Variants in TRPC4 observed in about 807,000 individuals in gnomAD.
TRPC4 encodes the protein transient receptor potential cation channel subfamily C member 4, also known as short transient receptor potential channel 4.
TRPC4 carries 49 observed loss-of-function variants against 99.4 expected under a neutral mutation model. The ratio of observed to expected loss-of-function variants is 0.49; its 90% confidence interval spans 0.39 to 0.63. TRPC4 has a LOEUF of 0.63. TRPC4 is among the 20% of genes least tolerant of loss of function. The pLI is 0.00. For missense variants in TRPC4, 898 were observed against 1,152.9 expected (o/e 0.78, Z 3.20); for synonymous variants, 454 against 425.9 (o/e 1.07, Z -0.81).
intron 1 of TRPC4, among the ~76,000 whole-genome samples, chr13:37,796,929 AAAAAT>A (rs1193921345): frequency 1.2e-4 from 5 of 41,200 alleles, no homozygotes; most frequent in South Asian, 1.0e-3. Context: ...TCCTCTCTAC[AAAAAT>A]AAAATAAAAT....
chr13:37,762,041 C>T lies in TRPC4; in HGVS notation c.379-15586G>A, dbSNP rs118165113. ...AAATATATTACAACTCTTAAGGAGA[C>T]ATCAAACAAATAGCAACTTTAAATC... On this transcript the variant is annotated intron_variant, in intron 2 of 10. Coordinates refer to ENST00000379705, the MANE Select transcript of TRPC4 (RefSeq NM_016179.4). Among the ~76,000 whole-genome samples the T allele has an allele frequency of 3.6e-3, 553 of 151,896 alleles. 2 individuals are homozygous for T. Among genetic ancestry groups the T allele is most frequent in the Admixed American group, 5.5e-3 (84 of 15,188 alleles).
chr13:37,810,724 T>C (rs1957658855), intron 1 of TRPC4, among the ~76,000 whole-genome samples: 1 of 152,100 alleles, frequency 6.6e-6, no homozygotes, highest in Non-Finnish European at 1.5e-5. Context: ...TGGGATGCTC[T>C]TTGGTAATAT....
chr13:37,711,421 T>C (rs1954481103), intron 3 of TRPC4, among the ~76,000 whole-genome samples: 1 of 151,982 alleles, frequency 6.6e-6, no homozygotes, highest in Non-Finnish European at 1.5e-5. Context: ...GTATTCAATG[T>C]GAAGTAATTT....
chr13:37,859,173 A>ACTGATTTATTTAT (rs1959201976), intron 1 of TRPC4, among the ~76,000 whole-genome samples: 1 of 151,622 alleles, frequency 6.6e-6, no homozygotes, highest in Non-Finnish European at 1.5e-5. Flanking sequence ...AGAGCTGTAA[A>ACTGATTTATTTAT]TAAAATATAC....
intron 3 of TRPC4, among the ~76,000 whole-genome samples, chr13:37,698,291 A>G (rs1953989919): frequency 6.7e-6 from 1 of 149,708 alleles, no homozygotes; most frequent in African/African-American, 2.5e-5. Flanking sequence ...CTCCCGAGGT[A>G]GCTGGGACTA....
At chr13:37,739,259 C>A (rs1955505209) in intron 3 of TRPC4, among the ~76,000 whole-genome samples, 1 of 152,080 alleles carries the variant, frequency 6.6e-6, no homozygotes, top group East Asian at 1.9e-4. Flanking sequence ...GCAGTTTAAA[C>A]ATAGAAGAAG....
At chr13:37,809,180 G>A (rs759059808) in intron 1 of TRPC4, among the ~76,000 whole-genome samples, 1 of 152,016 alleles carries the variant, frequency 6.6e-6, no homozygotes, top group Non-Finnish European at 1.5e-5. Context: ...TGGAAATTAG[G>A]TCAATGTAGG....
chr13:37,845,247 A>C (rs915572307), intron 1 of TRPC4, among the ~76,000 whole-genome samples: 2 of 151,538 alleles, frequency 1.3e-5, no homozygotes, highest in African/African-American at 4.9e-5. Flanking sequence ...CATGAGGATG[A>C]TGAAAAATTA....
At chr13:37,844,252 T>C (rs1165903090) in intron 1 of TRPC4, among the ~76,000 whole-genome samples, 1 of 152,064 alleles carries the variant, frequency 6.6e-6, no homozygotes, top group Non-Finnish European at 1.5e-5. Context: ...GCTGACAGCA[T>C]CACACTACAG....
Position 37,770,725 on chromosome 13 carries a change from T to C in TRPC4, c.378+12231A>G, listed in dbSNP as rs1956528781. Among the ~76,000 whole-genome samples the C allele has an allele frequency of 4.0e-5, 6 of 151,624 alleles. No homozygotes were observed. In the South Asian group the frequency reaches 1.0e-3, roughly 26 times the overall value. On this transcript the variant is annotated intron_variant, in intron 2 of 10. Coordinates refer to ENST00000379705, the MANE Select transcript of TRPC4 (RefSeq NM_016179.4). ...CAACATTTAACATTAATTTATCGAA[T>C]ACACATTTTTAAAGTTTAAGCATTT...
At chr13:37,700,565 AT>A (rs1422592946) in intron 3 of TRPC4, among the ~76,000 whole-genome samples, 2 of 152,226 alleles carry the variant, frequency 1.3e-5, no homozygotes, top group African/African-American at 4.8e-5. Flanking sequence ...ATGAAATAAA[AT>A]GATATAAGCG....
At chr13:37,739,017 TG>T (rs1314842832) in intron 3 of TRPC4, among the ~76,000 whole-genome samples, 1 of 152,054 alleles carries the variant, frequency 6.6e-6, no homozygotes, top group East Asian at 1.9e-4. Flanking sequence ...CCTTTAGTAG[TG>T]TTGTGAGTAA....
chr13:37,771,083 T>C (rs555132474), intron 2 of TRPC4, among the ~76,000 whole-genome samples: 34 of 151,734 alleles, frequency 2.2e-4, no homozygotes, highest in Non-Finnish European at 3.8e-4. Context: ...GAAACCAATA[T>C]TGTATAGAAA....
intron 3 of TRPC4, among the ~76,000 whole-genome samples, chr13:37,732,298 A>G (rs1215692017): frequency 6.6e-6 from 1 of 152,120 alleles, no homozygotes; most frequent in Non-Finnish European, 1.5e-5. Flanking sequence ...TTTTAACATC[A>G]TGAAGAAAGA....
chr13:37,715,245 A>G (rs1173136769), intron 3 of TRPC4, among the ~76,000 whole-genome samples: 1 of 152,194 alleles, frequency 6.6e-6, no homozygotes, highest in Non-Finnish European at 1.5e-5. Context: ...CAAAGCCAAG[A>G]GCACAATGCC....
chr13:37,737,077 C>G (rs1224466254), intron 3 of TRPC4, among the ~76,000 whole-genome samples: 1 of 151,864 alleles, frequency 6.6e-6, no homozygotes, highest in African/African-American at 2.4e-5. Context: ...CCACAAGAAA[C>G]AGATGAGTGT....
chr13:37,669,381 A>C (rs922038935), intron 5 of TRPC4, among the ~76,000 whole-genome samples: 2 of 152,174 alleles, frequency 1.3e-5, no homozygotes, highest in Non-Finnish European at 2.9e-5. Flanking sequence ...AGATTAACTA[A>C]TACTTCATAC....
chr13:37,705,575 TA>T (rs918198137), intron 3 of TRPC4, among the ~76,000 whole-genome samples: 1 of 152,068 alleles, frequency 6.6e-6, no homozygotes, highest in Non-Finnish European at 1.5e-5. Flanking sequence ...TTTATTTAAT[TA>T]AAAAAAGAAA....
At position 37,637,490 on chromosome 13, in the gene TRPC4, T is replaced by TA; in HGVS notation, c.2346dup (p.Ser783Ter). The TA allele has an allele frequency of 6.2e-7, 1 of 1,613,858 alleles. No individual in the cohort carries two copies. Among genetic ancestry groups the TA allele is most frequent in the East Asian group, 2.2e-5 (1 of 44,872 alleles). ...TTCTTGTCCTTGCTATTACCTTCGC[T>TA]ATCACTCTTTTCATCTGAGTCTGCC... On this transcript the variant is annotated frameshift_variant, in exon 11 of 11. Transcript: ENST00000379705. LOFTEE classifies it high-confidence loss of function.
Sources: allele counts gnomAD v4.1 joint callset (sites outside exome capture counted in the v4.1 genomes callset), GRCh38; gene constraint gnomAD v4.1.1; transcripts MANE v1.5; gene names NCBI Gene and HGNC (gene_info 2026-07-23, HGNC 2026-07-21).